JAZF1: variants seen among roughly 807,000 people sequenced by gnomAD.
JAZF1 encodes JAZF zinc finger 1.
In JAZF1, 8 loss-of-function variants were observed where a neutral mutation model predicts 26.4. The ratio of observed to expected loss-of-function variants is 0.30; its 90% CI spans 0.18 to 0.55. JAZF1 has a LOEUF of 0.55. JAZF1 is among the 20% of genes least tolerant of loss of function. The probability of loss-of-function intolerance (pLI) is 0.94; values close to 1 mark genes in which losing one functional copy is unlikely to be tolerated. For synonymous variants in JAZF1, 126 were observed against 122.3 expected (o/e 1.03, Z -0.20); for missense variants, 199 against 322.0 (o/e 0.62, Z 2.92).
intron 2 of JAZF1, among the ~76,000 whole-genome samples, chr7:27,920,167 C>G (rs1239206079): frequency 6.6e-6 from 1 of 152,202 alleles, no homozygotes; most frequent in Non-Finnish European, 1.5e-5. Flanking sequence ...CTTAAAACTT[C>G]AGCTTCATTT....
chr7:28,118,402 C>A (rs1227145311), intron 1 of JAZF1, among the ~76,000 whole-genome samples: 2 of 152,042 alleles, frequency 1.3e-5, no homozygotes, highest in African/African-American at 4.8e-5. Context: ...GTAGTCCCAG[C>A]TACTCAGGAG....
intron 1 of JAZF1, among the ~76,000 whole-genome samples, chr7:28,114,947 C>A (rs1294313631): frequency 6.6e-6 from 1 of 152,056 alleles, no homozygotes; most frequent in African/African-American, 2.4e-5. Context: ...ATCAAGAGGC[C>A]TGCAGTCCAG....
At chr7:28,073,603 C>A (rs1784009272) in intron 1 of JAZF1, among the ~76,000 whole-genome samples, 1 of 152,340 alleles carries the variant, frequency 6.6e-6, no homozygotes, top group East Asian at 1.9e-4. Context: ...CACTGAGGCA[C>A]AGTCTCTTTG....
chr7:27,904,613 G>T (rs1784218657), intron 2 of JAZF1, among the ~76,000 whole-genome samples: 1 of 151,980 alleles, frequency 6.6e-6, no homozygotes, highest in African/African-American at 2.4e-5. Flanking sequence ...CTGACTTCAC[G>T]ATCTGAGGCC....
chr7:28,013,179 TG>T (rs1782827414), intron 1 of JAZF1, among the ~76,000 whole-genome samples: 1 of 152,134 alleles, frequency 6.6e-6, no homozygotes, highest in African/African-American at 2.4e-5. Context: ...GTGACTCTCA[TG>T]TGCAGTCAGG....
In JAZF1 at chr7:28,134,358, T is replaced by C. The variant is rs189510552; in HGVS notation, c.115+46105A>G. ...CTCTGTCACCCAGGCTGGAGTGGAG[T>C]GGCACAAACACAGTTCACTGCAGCC... On this transcript the variant is annotated intron_variant, in intron 1 of 4. Transcript: ENST00000283928. 6.6e-5 allele frequency among the ~76,000 whole-genome samples: 10 copies of C among 151,998 alleles called. No individual in the cohort carries two copies. The East Asian group carries it at 1.9e-3, about 29-fold the overall frequency.
At chr7:28,054,385 G>C (rs893137289) in intron 1 of JAZF1, among the ~76,000 whole-genome samples, 1 of 152,116 alleles carries the variant, frequency 6.6e-6, no homozygotes, top group Admixed American at 6.5e-5. Context: ...CTAGTGTATG[G>C]CAAGGCAGTC....
At chr7:27,859,547 G>C (rs1783337740) in intron 3 of JAZF1, among the ~76,000 whole-genome samples, 1 of 152,146 alleles carries the variant, frequency 6.6e-6, no homozygotes, top group South Asian at 2.1e-4. Context: ...CCATAAAATA[G>C]GATGAGGTCA....
At chr7:28,128,179 G>A (rs943476920) in intron 1 of JAZF1, among the ~76,000 whole-genome samples, 3 of 152,128 alleles carry the variant, frequency 2.0e-5, no homozygotes, top group Non-Finnish European at 2.9e-5. Context: ...AGTGGTTCCC[G>A]AAGTCTGGTC....
chr7:27,965,545 T>A (rs1044674520), intron 2 of JAZF1, among the ~76,000 whole-genome samples: 1 of 152,214 alleles, frequency 6.6e-6, no homozygotes, highest in African/African-American at 2.4e-5. Context: ...TGTTTCCCTG[T>A]TTTAAGAAAA....
At chr7:28,010,947 T>A (rs995441361) in intron 1 of JAZF1, among the ~76,000 whole-genome samples, 1 of 152,244 alleles carries the variant, frequency 6.6e-6, no homozygotes, top group African/African-American at 2.4e-5. Context: ...ATGTAGCTGC[T>A]GGGATCCAGC....
intron 1 of JAZF1, among the ~76,000 whole-genome samples, chr7:27,993,085 A>G (rs1785936231): frequency 6.6e-6 from 1 of 152,228 alleles, no homozygotes; most frequent in Non-Finnish European, 1.5e-5. Flanking sequence ...TCCCAGATTA[A>G]AACTGGACAG....
At chr7:28,086,767 TC>T (rs1784218318) in intron 1 of JAZF1, among the ~76,000 whole-genome samples, 1 of 152,210 alleles carries the variant, frequency 6.6e-6, no homozygotes, top group African/African-American at 2.4e-5. Flanking sequence ...TCAATTTCCT[TC>T]TACAAACTAC....
intron 4 of JAZF1, among the ~76,000 whole-genome samples, chr7:27,835,683 A>G (rs985930397): frequency 2.0e-5 from 3 of 149,768 alleles, no homozygotes; most frequent in Non-Finnish European, 4.4e-5. Context: ...GTGAGACTCT[A>G]TTAAGACATT....
At chr7:28,154,524 A>G (rs935833388) in intron 1 of JAZF1, among the ~76,000 whole-genome samples, 1 of 152,180 alleles carries the variant, frequency 6.6e-6, no homozygotes, top group Non-Finnish European at 1.5e-5. Flanking sequence ...CAATCAACCA[A>G]CTAACTAACC....
intron 1 of JAZF1, among the ~76,000 whole-genome samples, chr7:28,126,750 G>GC (rs1395115396): frequency 6.6e-6 from 1 of 152,184 alleles, no homozygotes; most frequent in Non-Finnish European, 1.5e-5. Flanking sequence ...CAGTGCAGGA[G>GC]CAAAAGTCTG....
intron 2 of JAZF1, among the ~76,000 whole-genome samples, chr7:27,944,694 G>GGGTCACAT (rs1358727284): frequency 2.0e-5 from 3 of 152,088 alleles, no homozygotes; most frequent in Non-Finnish European, 4.4e-5. Flanking sequence ...AATTGTGCAG[G>GGGTCACAT]GGTCACATGA....
At chr7:28,105,683 G>A (rs1784540555) in intron 1 of JAZF1, among the ~76,000 whole-genome samples, 1 of 152,186 alleles carries the variant, frequency 6.6e-6, no homozygotes, top group African/African-American at 2.4e-5. Context: ...TTAATTGTAA[G>A]ATTTTGCCTG....
At chr7:27,934,023 T>G (rs759817320) in intron 2 of JAZF1, among the ~76,000 whole-genome samples, 2 of 152,200 alleles carry the variant, frequency 1.3e-5, no homozygotes, top group Non-Finnish European at 2.9e-5. Flanking sequence ...AGTCAACCAC[T>G]TGAAAGTTTT....
Sources: gnomAD v4.1 joint callset for allele counts (sites outside exome capture counted in the v4.1 genomes callset) on GRCh38, gnomAD v4.1.1 for gene constraint, MANE v1.5 for transcripts, NCBI Gene and HGNC (gene_info 2026-07-23, HGNC 2026-07-21) for gene names.